The following TTC28 variants were observed in gnomAD, a reference collection of about 807,000 sequenced individuals.
TTC28 encodes the protein tetratricopeptide repeat domain 28, also known as tetratricopeptide repeat protein 28.
A neutral mutation model predicts 198.0 loss-of-function variants in TTC28; 61 were observed. The ratio of observed to expected loss-of-function variants is 0.31; its 90% CI spans 0.25 to 0.38. TTC28 has a LOEUF of 0.38. TTC28 is among the 10% of genes least tolerant of loss of function. The probability of loss-of-function intolerance (pLI) is 1.00; values close to 1 mark genes in which losing one functional copy is unlikely to be tolerated. For synonymous variants in TTC28, 1,171 were observed against 1,297.8 expected, an observed-to-expected ratio of 0.90 and a Z score of 2.10; for missense variants, 2,678 against 3,164.0, an observed-to-expected ratio of 0.85 and a Z score of 3.69.
intron 13 of TTC28, among the ~76,000 whole-genome samples, chr22:28,026,104 G>A (rs996546558): frequency 2.6e-5 from 4 of 152,312 alleles, no homozygotes; most frequent in South Asian, 2.1e-4. Flanking sequence ...GCTTTCACGC[G>A]TGGATTTGGA....
At chr22:28,409,878 G>A (rs896516922) in intron 2 of TTC28, among the ~76,000 whole-genome samples, 5 of 149,614 alleles carry the variant, frequency 3.3e-5, no homozygotes, top group African/African-American at 7.4e-5. Context: ...GGATGGTCTC[G>A]ATCTCTTGAC....
chr22:28,191,575 C>T (rs1162946370), intron 5 of TTC28, among the ~76,000 whole-genome samples: 4 of 152,218 alleles, frequency 2.6e-5, no homozygotes, highest in African/African-American at 4.8e-5. Flanking sequence ...CCTGGAAAAT[C>T]GGGTCTCTCC....
intron 2 of TTC28, among the ~76,000 whole-genome samples, chr22:28,539,811 G>A (rs1359894355): frequency 6.6e-6 from 1 of 151,978 alleles, no homozygotes; most frequent in Admixed American, 6.6e-5. Context: ...GGCCGTTCTT[G>A]TGTTGTTATA....
At chr22:28,059,697 A>C (rs1569112907) in intron 12 of TTC28, among the ~76,000 whole-genome samples, 1 of 151,988 alleles carries the variant, frequency 6.6e-6, no homozygotes, top group Non-Finnish European at 1.5e-5. Context: ...AATTTTATCA[A>C]ATTTTGCTTC....
chr22:28,432,625 C>T (rs1383228810), intron 2 of TTC28, among the ~76,000 whole-genome samples: 1 of 152,066 alleles, frequency 6.6e-6, no homozygotes, highest in Non-Finnish European at 1.5e-5. Context: ...TTCTTGAGAA[C>T]CACGCTAGCA....
intron 13 of TTC28, among the ~76,000 whole-genome samples, chr22:28,017,362 C>T (rs1159781058): frequency 6.6e-6 from 1 of 152,262 alleles, no homozygotes; most frequent in African/African-American, 2.4e-5. Context: ...CCACCCAGGC[C>T]ATGGGCCTTT....
At chr22:27,994,685 C>T (rs1253741735) in intron 17 of TTC28, 1 of 152,260 alleles carries the variant, frequency 6.6e-6, no homozygotes, top group East Asian at 1.9e-4. Context: ...CCATGGCCCC[C>T]ACACCCACCC....
chr22:28,091,380 C>T lies in TTC28; in HGVS notation c.3932+2700G>A, dbSNP rs135112. On this transcript the variant is annotated intron_variant, in intron 12 of 22. Coordinates refer to ENST00000397906, the MANE Select transcript of TTC28 (RefSeq NM_001145418.2). ...ATATACATTTTCATACAGGCTGAGCCCCATGAATGCTTGGTTTAGACTGAG... is the reference window on the plus strand; with the variant it reads ...ATATACATTTTCATACAGGCTGAGCTCCATGAATGCTTGGTTTAGACTGAG... Among the ~76,000 whole-genome samples, 890 of 152,208 alleles carry T rather than the reference C, an allele frequency of 5.8e-3. 6 individuals carry two copies. The highest frequency in any genetic ancestry group is 9.9e-3 in the Non-Finnish European group (670 of 68,012).
intron 13 of TTC28, among the ~76,000 whole-genome samples, chr22:28,028,183 C>A (rs908722152): frequency 6.6e-6 from 1 of 152,196 alleles, no homozygotes; most frequent in Non-Finnish European, 1.5e-5. Context: ...CTTTGCTTTT[C>A]TGAGGGTGGG....
At chr22:28,115,254 G>A (rs963100384) in intron 6 of TTC28, among the ~76,000 whole-genome samples, 1 of 151,826 alleles carries the variant, frequency 6.6e-6, no homozygotes, top group African/African-American at 2.4e-5. Context: ...ATGACCTCCC[G>A]GGCTCAAGTG....
At chr22:28,096,074 A>C (rs1941961744) in intron 11 of TTC28, 116 bp downstream of exon 11, 14 of 1,349,518 alleles carry the variant, frequency 1.0e-5, no homozygotes, top group African/African-American at 2.9e-5. Context: ...TTTTGCTAAA[A>C]TCTGACATCA....
intron 2 of TTC28, among the ~76,000 whole-genome samples, chr22:28,469,504 T>C (rs567221606): frequency 1.3e-5 from 2 of 152,358 alleles, no homozygotes; most frequent in East Asian, 3.9e-4. Flanking sequence ...GAGAATATTA[T>C]GGATTAGCCA....
At chr22:28,615,716 G>C (rs763569058) in intron 2 of TTC28, among the ~76,000 whole-genome samples, 1 of 138,002 alleles carries the variant, frequency 7.2e-6, no homozygotes, top group South Asian at 2.4e-4. Flanking sequence ...AAGACCACAT[G>C]TTTGCACTCA....
chr22:28,516,363 A>G (rs2048786547), intron 2 of TTC28, among the ~76,000 whole-genome samples: 1 of 152,138 alleles, frequency 6.6e-6, no homozygotes, highest in Non-Finnish European at 1.5e-5. Context: ...ATTCTGAAAA[A>G]TCAATTCAAT....
chr22:28,619,672 T>C (rs2146179609), intron 2 of TTC28, among the ~76,000 whole-genome samples: 1 of 152,202 alleles, frequency 6.6e-6, no homozygotes, highest in East Asian at 1.9e-4. Flanking sequence ...AATTTCTGCA[T>C]CAAAATGAAC....
At chr22:28,647,999 C>T (rs1047889860) in intron 1 of TTC28, among the ~76,000 whole-genome samples, 6 of 151,576 alleles carry the variant, frequency 4.0e-5, no homozygotes, top group South Asian at 2.1e-4. Context: ...CCGAGGCGGG[C>T]GGATCATGAG....
At chr22:28,572,864 G>A (rs1387772862) in intron 2 of TTC28, among the ~76,000 whole-genome samples, 1 of 152,066 alleles carries the variant, frequency 6.6e-6, no homozygotes, top group Non-Finnish European at 1.5e-5. Flanking sequence ...AAAAGTAAAG[G>A]GAGGCCAGGT....
chr22:28,080,267 T>C (rs2146804509), intron 12 of TTC28, among the ~76,000 whole-genome samples: 1 of 152,316 alleles, frequency 6.6e-6, no homozygotes, highest in South Asian at 2.1e-4. Context: ...GTCCATACTG[T>C]TTTCTATAGC....
intron 5 of TTC28, among the ~76,000 whole-genome samples, chr22:28,173,158 G>A (rs1292776113): frequency 1.3e-5 from 2 of 152,104 alleles, no homozygotes; most frequent in Non-Finnish European, 2.9e-5. Context: ...AATAAAGTCC[G>A]GTATTTTACA....
Sources: gnomAD v4.1 joint callset for allele counts (sites outside exome capture counted in the v4.1 genomes callset) on GRCh38, gnomAD v4.1.1 for gene constraint, MANE v1.5 for transcripts, NCBI Gene and HGNC (gene_info 2026-07-23, HGNC 2026-07-21) for gene names.